Variants in PIEZO2 observed in about 807,000 individuals in gnomAD.
PIEZO2 encodes the protein piezo-type mechanosensitive ion channel component 2.
A neutral mutation model predicts 337.3 loss-of-function variants in PIEZO2; 172 were observed. The ratio of observed to expected loss-of-function variants is 0.51; its 90% CI spans 0.45 to 0.58. PIEZO2 has a LOEUF of 0.58. Ranked by LOEUF, PIEZO2 falls within the 20% of genes least tolerant of loss-of-function variation. The probability of loss-of-function intolerance (pLI) is 0.00; values close to 1 mark genes in which losing one functional copy is unlikely to be tolerated. For synonymous variants in PIEZO2, 1,251 were observed against 1,228.5 expected (o/e 1.02, Z -0.38); for missense variants, 3,028 against 3,391.3 (o/e 0.89, Z 2.66).
intron 49 of PIEZO2, among the ~76,000 whole-genome samples, chr18:10,684,311 G>GC (rs2034436587): frequency 8.2e-6 from 1 of 122,292 alleles, no homozygotes; most frequent in Non-Finnish European, 1.7e-5. Context: ...GACTACAGGT[G>GC]CCCGCCACCA....
rs761033499 is a variant in PIEZO2 at position 10,833,769 on chromosome 18, C to T, written c.917+21584G>A. On this transcript the variant is annotated intron_variant, in intron 7 of 55. Transcript: ENST00000674853. The surrounding 1 kb of genome is among the most constrained non-coding windows in gnomAD (Gnocchi z 4.7). ...ATGTGTTTGTTCCCCAGTTTGGAGC[C>T]TCAAGACTTGCCTACAAAAATGCAT... Among the ~76,000 whole-genome samples, 8 of 152,212 alleles carry T rather than the reference C, an allele frequency of 5.3e-5. No individual in the cohort carries two copies. Among genetic ancestry groups the T allele is most frequent in the Non-Finnish European group, 1.0e-4 (7 of 68,046 alleles).
intron 21 of PIEZO2, among the ~76,000 whole-genome samples, chr18:10,768,936 C>T (rs1244081390): frequency 6.6e-6 from 1 of 152,138 alleles, no homozygotes; most frequent in East Asian, 1.9e-4. Flanking sequence ...ATTTCCGCTC[C>T]CCCAATGCCC....
At chr18:10,765,303 T>C (rs941904339) in intron 21 of PIEZO2, among the ~76,000 whole-genome samples, 9 of 152,148 alleles carry the variant, frequency 5.9e-5, no homozygotes, top group Non-Finnish European at 1.2e-4. Flanking sequence ...AAGTGATTCA[T>C]TGTGAGAGAA....
intron 7 of PIEZO2, among the ~76,000 whole-genome samples, chr18:10,840,946 G>A (rs192796886): frequency 8.5e-5 from 13 of 152,252 alleles, no homozygotes; most frequent in Admixed American, 6.5e-4. Context: ...AGTTAGATGT[G>A]GGATATGAGG....
chr18:10,752,998 TG>T, intron 27 of PIEZO2, 119 bp from the exon 28 acceptor site: 1 of 1,251,002 alleles, frequency 8.0e-7, no homozygotes, highest in South Asian at 1.6e-5. Flanking sequence ...CAAATCAGAC[TG>T]TGAGCTTTCA....
Position 10,726,039 on chromosome 18 carries a change from T to C in PIEZO2, c.5029+5368A>G, listed in dbSNP as rs2036522117. 6.6e-6 allele frequency among the ~76,000 whole-genome samples: 1 copy of C among 152,122 alleles called. No individual in the cohort carries two copies. The highest frequency in any genetic ancestry group is 1.5e-5 in the Non-Finnish European group (1 of 68,018). On this transcript the variant is annotated intron_variant, in intron 36 of 55. Coordinates refer to ENST00000674853, the MANE Select transcript of PIEZO2 (RefSeq NM_001378183.1). The surrounding 1 kb of genome is among the most constrained non-coding windows in gnomAD (Gnocchi z 5.9). ...CAGAATAATATGGGCACCCAGGATG[T>C]TGGGCAGGGTGGTATATGTATTCTT...
chr18:11,067,657 A>T (rs1483125), intron 1 of PIEZO2, among the ~76,000 whole-genome samples: 104,017 of 152,076 alleles, frequency 0.68, 36,045 homozygotes, highest in East Asian at 0.97. Flanking sequence ...AGTAGAGGGA[A>T]CAATTGTAAT....
chr18:11,003,458 T>C lies in PIEZO2; in HGVS notation c.161-23798A>G, dbSNP rs55928970. On this transcript the variant is annotated intron_variant, in intron 2 of 55. Coordinates refer to ENST00000674853, the MANE Select transcript of PIEZO2 (RefSeq NM_001378183.1). This position sits in a 1 kb window ranked among gnomAD's most constrained non-coding sequence, Gnocchi z 4.6. The stretch of plus-strand genomic sequence containing the variant: ...GGTCACAAAAACATCACCAAACTTC[T>C]AAATAAGGACAAAACACTTCTATAT... 6.6e-6 allele frequency among the ~76,000 whole-genome samples: 1 copy of C among 152,214 alleles called. No individual in the cohort carries two copies. The highest frequency in any genetic ancestry group is 1.9e-4 in the East Asian group (1 of 5,206).
chr18:10,839,434 T>A (rs1463005453), intron 7 of PIEZO2, among the ~76,000 whole-genome samples: 1 of 152,234 alleles, frequency 6.6e-6, no homozygotes, highest in African/African-American at 2.4e-5. Context: ...CAAAGAGCAC[T>A]GCACTCTAGA....
chr18:10,923,530 TC>T (rs1178860054), intron 3 of PIEZO2, among the ~76,000 whole-genome samples: 1 of 151,392 alleles, frequency 6.6e-6, no homozygotes, highest in African/African-American at 2.4e-5. Flanking sequence ...TTAGAGAATC[TC>T]CCTAAGGACA....
In PIEZO2 at chr18:10,888,460, T is replaced by G. The variant is rs535941801; in HGVS notation, c.330-17045A>C. Reference sequence around the variant, plus strand: ...TCCTTCAGAAAGCCCTATTTTCTTTTTGTGCACCCTGGTATTCAGAGCTGG... The same window carrying G: ...TCCTTCAGAAAGCCCTATTTTCTTTGTGTGCACCCTGGTATTCAGAGCTGG... On this transcript the variant is annotated intron_variant, in intron 4 of 55. Coordinates refer to ENST00000674853, the MANE Select transcript of PIEZO2 (RefSeq NM_001378183.1). This position sits in a 1 kb window ranked among gnomAD's most constrained non-coding sequence, Gnocchi z 4.1. 6.6e-6 allele frequency among the ~76,000 whole-genome samples: 1 copy of G among 152,288 alleles called. No homozygotes were observed. The highest frequency in any genetic ancestry group is 1.9e-4 in the East Asian group (1 of 5,168).
intron 4 of PIEZO2, among the ~76,000 whole-genome samples, chr18:10,875,386 T>A (rs2042244201): frequency 6.6e-6 from 1 of 151,944 alleles, no homozygotes; most frequent in Admixed American, 6.6e-5. Flanking sequence ...AAGGGTAAAC[T>A]AGAATTAATA....
intron 16 of PIEZO2, 44 bp from the exon 17 acceptor site, chr18:10,785,001 A>G (rs376744511): frequency 2.0e-6 from 3 of 1,499,966 alleles, no homozygotes; most frequent in South Asian, 2.6e-5. Context: ...TCTCTTACGC[A>G]ATGAAGTCAC....
At chr18:10,914,042 T>C (rs1281207171) in intron 3 of PIEZO2, among the ~76,000 whole-genome samples, 1 of 152,186 alleles carries the variant, frequency 6.6e-6, no homozygotes, top group Non-Finnish European at 1.5e-5. Flanking sequence ...GGAACAGACA[T>C]GTCCAGATCC....
At chr18:11,073,461 A>G (rs10853192) in intron 1 of PIEZO2, among the ~76,000 whole-genome samples, 78,725 of 152,004 alleles carry the variant, frequency 0.52, 22,367 homozygotes, top group East Asian at 0.97. Context: ...GGCCCGTGTG[A>G]CAAAGGACTG....
In PIEZO2 at chr18:10,962,692, T is replaced by C. The variant is rs890194980; in HGVS notation, c.286+16843A>G. The stretch of plus-strand genomic sequence containing the variant: ...ATAAGCAAACTTTCAGTAGGCATCC[T>C]GAGACGTAGTATCATCTCAGTTTTT... On this transcript the variant is annotated intron_variant, in intron 3 of 55. Coordinates refer to ENST00000674853, the MANE Select transcript of PIEZO2 (RefSeq NM_001378183.1). The surrounding 1 kb of genome is among the most constrained non-coding windows in gnomAD (Gnocchi z 4.1). Among the ~76,000 whole-genome samples, 1 of 152,222 alleles carries C rather than the reference T, an allele frequency of 6.6e-6. No individual in the cohort carries two copies. The highest frequency in any genetic ancestry group is 1.5e-5 in the Non-Finnish European group (1 of 68,038).
chr18:10,675,724 T>G (rs528222834), intron 53 of PIEZO2, among the ~76,000 whole-genome samples: 1 of 152,314 alleles, frequency 6.6e-6, no homozygotes, highest in East Asian at 1.9e-4. Context: ...AATCTCATCT[T>G]GAATTGTAGC....
At chr18:10,930,907 C>T (rs941653216) in intron 3 of PIEZO2, among the ~76,000 whole-genome samples, 1 of 152,180 alleles carries the variant, frequency 6.6e-6, no homozygotes, top group Non-Finnish European at 1.5e-5. Flanking sequence ...TGTCTAAAAG[C>T]ACCATGGTAT....
chr18:10,752,639 C>T lies in PIEZO2; in HGVS notation c.4164G>A (p.Leu1388=), dbSNP rs2143768609. 2 of 1,537,092 alleles carry T rather than the reference C, an allele frequency of 1.3e-6. No homozygotes were observed. Among genetic ancestry groups the T allele is most frequent in the South Asian group, 1.2e-5 (1 of 84,052 alleles). ...TTATGCAGTGGCAACCACTTACTGA[C>T]AGGATATTTTTCATCGTAATCACAA... The part of the protein sequence containing the change: ...NVFVITMKNI[L]SIGACGYIGT... The change falls in exon 28 of 56, where the codon CTG becomes CTA. Residue 1388 remains leucine, a synonymous_variant. Coordinates refer to ENST00000674853, the MANE Select transcript of PIEZO2 (RefSeq NM_001378183.1).
Sources: gnomAD v4.1 joint callset for allele counts (sites outside exome capture counted in the v4.1 genomes callset) on GRCh38, gnomAD v4.1.1 for gene constraint, Gnocchi (gnomAD v3.1) non-coding constraint, MANE v1.5 for transcripts, NCBI Gene and HGNC (gene_info 2026-07-23, HGNC 2026-07-21) for gene names.